The following P2RX7 variants were observed in gnomAD, a reference collection of about 807,000 sequenced individuals.
The protein encoded by P2RX7 is P2X purinoceptor 7.
P2RX7 carries 62 observed loss-of-function variants against 71.6 expected under a neutral mutation model. That is an observed-to-expected ratio of 0.87 (90% confidence interval 0.71 to 1.07). The LOEUF is 1.07. Among genes scored for constraint, P2RX7 ranks in the 50% least tolerant of loss-of-function variants. The pLI is 0.00. For synonymous variants in P2RX7, 299 were observed against 283.3 expected (o/e 1.06, Z -0.56); for missense variants, 686 against 748.5 (o/e 0.92, Z 0.97).
intron 11 of P2RX7, 55 bp downstream of exon 11, chr12:121,177,501 C>T (rs181289382): frequency 1.3e-5 from 21 of 1,556,964 alleles, no homozygotes; most frequent in East Asian, 2.2e-5. Context: ...CATGAAATCA[C>T]TCAGAAATGC....
In P2RX7 at chr12:121,153,499, G is replaced by A. The variant is rs147822402; in HGVS notation, c.126-1286G>A. 7.4e-4 allele frequency among the ~76,000 whole-genome samples: 113 copies of A among 152,114 alleles called. 1 individual carries two copies. The East Asian group carries it at 0.021, about 28-fold the overall frequency. The stretch of plus-strand genomic sequence containing the variant: ...TCAAGACCAGCCTGACCAACATGGC[G>A]AAACCTTGTCTCTACTAAAAATACA... On this transcript the variant is annotated intron_variant, in intron 1 of 12. Transcript: ENST00000328963.
At chr12:121,175,944 C>T (rs948468186) in intron 9 of P2RX7, among the ~76,000 whole-genome samples, 8 of 152,076 alleles carry the variant, frequency 5.3e-5, no homozygotes, top group African/African-American at 1.2e-4. Context: ...GTCTTATATA[C>T]GTCCTCCTTG....
chr12:121,179,948 A>C (rs1883838096), intron 11 of P2RX7, among the ~76,000 whole-genome samples: 1 of 151,824 alleles, frequency 6.6e-6, no homozygotes, highest in Non-Finnish European at 1.5e-5. Context: ...TCAGGAGTTC[A>C]AGACCAGCCT....
At position 121,135,883 on chromosome 12, in the gene P2RX7, A is replaced by G. The variant is rs190324467; in HGVS notation, c.125+2788A>G. ...GCCGGGCATGGTGGTGGGTGCCTGT[A>G]ATCCCAGCTACTCGGGAGGCTGAGA... On this transcript the variant is annotated intron_variant, in intron 1 of 12. Coordinates refer to ENST00000328963, the MANE Select transcript of P2RX7 (RefSeq NM_002562.6). Among the ~76,000 whole-genome samples, 94 of 149,806 alleles carry G rather than the reference A, an allele frequency of 6.3e-4. No individual in the cohort carries two copies. In the East Asian group the frequency reaches 0.012, roughly 19 times the overall value.
chr12:121,147,825 C>T (rs1024795289), intron 1 of P2RX7, among the ~76,000 whole-genome samples: 19 of 151,962 alleles, frequency 1.3e-4, no homozygotes, highest in Admixed American at 6.6e-4. Context: ...GTTGGCCAGG[C>T]GGGTCTTGAA....
chr12:121,185,078 T>G lies in P2RX7; in HGVS notation c.*276T>G. The G allele has an allele frequency of 5.0e-6, 1 of 201,166 alleles. No homozygotes were observed. Among genetic ancestry groups the G allele is most frequent in the Non-Finnish European group, 9.1e-6 (1 of 109,788 alleles). The allele number at this position is 201,166 out of a possible 1,614,324, so 12.5% of individuals were successfully genotyped here. A position where few individuals can be genotyped will look rare whatever the true frequency, so the allele number is the denominator to read the frequency against. ...CCAGCCTGGGAGGCACAGCAAACTG[T>G]CCCCCAAAAAAAAAAAAGAGTCCTT... On this transcript the variant is annotated 3_prime_UTR_variant, in exon 13 of 13. Coordinates refer to ENST00000328963, the MANE Select transcript of P2RX7 (RefSeq NM_002562.6).
rs752545894 is a variant in P2RX7 at position 121,149,888 on chromosome 12, G to A, written c.126-4897G>A. Among the ~76,000 whole-genome samples, 56 of 152,142 alleles carry A rather than the reference G, an allele frequency of 3.7e-4. No homozygotes were observed. The highest frequency in any genetic ancestry group is 8.0e-4 in the African/African-American group (33 of 41,506). On this transcript the variant is annotated intron_variant, in intron 1 of 12. Coordinates refer to ENST00000328963, the MANE Select transcript of P2RX7 (RefSeq NM_002562.6). This position sits in a 1 kb window ranked among gnomAD's most constrained non-coding sequence, Gnocchi z 4.7. ...CCCCCACAACTTACCCATCCTCCCC[G>A]GCTCAGTGAAATCCCTAGGTCCTTC...
At chr12:121,156,901 C>A (rs1185634824) in intron 3 of P2RX7, among the ~76,000 whole-genome samples, 1 of 152,180 alleles carries the variant, frequency 6.6e-6, no homozygotes, top group Non-Finnish European at 1.5e-5. Context: ...CACCTATAAT[C>A]TCAGCACTTT....
chr12:121,171,688 G>T lies in P2RX7; in HGVS notation c.882-3700G>T, dbSNP rs1027780792. Among the ~76,000 whole-genome samples, 5 of 151,838 alleles carry T rather than the reference G, an allele frequency of 3.3e-5. No homozygotes were observed. In the South Asian group the frequency reaches 1.0e-3, roughly 32 times the overall value. ...TGTACGAAAAACACTCTTGTTCAAGGCCCGATGTTTCTCAGGGCATAGCCC... is the reference window on the plus strand; with the variant it reads ...TGTACGAAAAACACTCTTGTTCAAGTCCCGATGTTTCTCAGGGCATAGCCC... On this transcript the variant is annotated intron_variant, in intron 8 of 12. Transcript: ENST00000328963.
Position 121,167,596 on chromosome 12 carries a change from G to A in P2RX7, c.853G>A (p.Val285Met), listed in dbSNP as rs199966132. ...TCGCCTTGACGACAAGACCACCAACGTGTCCTTGTACCCTGGCTACAACTT... is the reference window on the plus strand; with the variant it reads ...TCGCCTTGACGACAAGACCACCAACATGTCCTTGTACCCTGGCTACAACTT... The part of the protein sequence containing the change: ...FRRLDDKTTN[V>M]SLYPGYNFRY... Residue 285 changes from valine to methionine, a missense_variant, in exon 8 of 13, where the codon GTG becomes ATG. Physicochemically the swap from Val to Met is conservative, Grantham distance 21. Transcript: ENST00000328963. The A allele has an allele frequency of 1.2e-5, 20 of 1,607,724 alleles. No homozygotes were observed. Among genetic ancestry groups the A allele is most frequent in the South Asian group, 2.2e-5 (2 of 90,132 alleles).
intron 1 of P2RX7, among the ~76,000 whole-genome samples, chr12:121,136,651 T>TTTC: frequency 6.8e-6 from 1 of 145,996 alleles, no homozygotes; most frequent in Non-Finnish European, 1.5e-5. Context: ...TTCTTTCTTT[T>TTTC]TTTTTTTTTT....
In P2RX7 at chr12:121,162,515, C is replaced by T. The variant is rs1444819117; in HGVS notation, c.528C>T (p.Ala176=). 6 of 1,612,650 alleles carry T rather than the reference C, an allele frequency of 3.7e-6. No individual in the cohort carries two copies. In the East Asian group the frequency reaches 6.7e-5, roughly 18 times the overall value. The change falls in exon 5 of 13, where the codon GCC becomes GCT. Residue 176 remains alanine (A), a synonymous_variant. Transcript: ENST00000328963. ...GCCCCATCGAGGCAGTGGAAGAGGC[C>T]CCCCGGTGAGTCGCATGGGGAGACA... ...AWCPIEAVEE[A]PRPALLNSAE...
At chr12:121,163,328 A>ACC (rs993780611) in intron 5 of P2RX7, among the ~76,000 whole-genome samples, 1 of 46,902 alleles carries the variant, frequency 2.1e-5, no homozygotes, top group Non-Finnish European at 5.1e-5. Flanking sequence ...TGCCTGGCTT[A>ACC]CACACACACA....
chr12:121,156,743 G>A (rs368703228), intron 3 of P2RX7, among the ~76,000 whole-genome samples: 13 of 152,096 alleles, frequency 8.5e-5, no homozygotes, highest in Admixed American at 6.6e-4. Flanking sequence ...TCTCCATCAC[G>A]TGCATGTGCC....
rs3078950 is a variant in P2RX7, at chr12:121,186,053, CA to C, written c.*1265del. ...TGGGTGACAGAGCGAGACTCCATCT[CA>C]AAAAAAAAAAAAAGAAAAAAAAAAT... On this transcript the variant is annotated 3_prime_UTR_variant, in exon 13 of 13. Coordinates refer to ENST00000328963, the MANE Select transcript of P2RX7 (RefSeq NM_002562.6). 268 of 86,572 alleles carry C rather than the reference CA, an allele frequency of 3.1e-3. No individual in the cohort carries two copies. Among genetic ancestry groups the C allele is most frequent in the Middle Eastern group, 8.9e-3 (1 of 112 alleles). 5.4% of individuals were successfully genotyped at this position (86,572 alleles called of 1,614,324 possible).
intron 5 of P2RX7, among the ~76,000 whole-genome samples, chr12:121,163,652 T>C (rs7978398): frequency 0.28 from 41,615 of 150,840 alleles, 6,029 homozygotes; most frequent in East Asian, 0.46. Flanking sequence ...TAGATAGAGT[T>C]TTGCTATGTT....
intron 5 of P2RX7, among the ~76,000 whole-genome samples, chr12:121,163,618 TAGATAGATAGATA>T (rs1210057216): frequency 1.4e-5 from 2 of 140,876 alleles, no homozygotes; most frequent in Non-Finnish European, 3.0e-5. Context: ...GATAGATAGA[TAGATAGATAGATA>T]GATAGATAGA....
chr12:121,152,013 T>C (rs950712351), intron 1 of P2RX7, among the ~76,000 whole-genome samples: 1 of 152,100 alleles, frequency 6.6e-6, no homozygotes, highest in Non-Finnish European at 1.5e-5. Context: ...TTCATCAATA[T>C]TACTCGCCCA....
intron 11 of P2RX7, among the ~76,000 whole-genome samples, chr12:121,179,500 C>CA (rs35332034): frequency 0.077 from 9,079 of 117,282 alleles, 434 homozygotes; most frequent in Non-Finnish European, 0.11. Context: ...AACTCCGTCT[C>CA]AAAAAAAAAA....
Sources: gnomAD v4.1 joint callset for allele counts (sites outside exome capture counted in the v4.1 genomes callset) on GRCh38, gnomAD v4.1.1 for gene constraint, Gnocchi (gnomAD v3.1) non-coding constraint, MANE v1.5 for transcripts, NCBI Gene and HGNC (gene_info 2026-07-23, HGNC 2026-07-21) for gene names.